The following CACNA1C variants were observed in gnomAD, a reference collection of about 807,000 sequenced individuals.
The protein encoded by CACNA1C is voltage-dependent L-type calcium channel subunit alpha-1C.
A neutral mutation model predicts 229.0 loss-of-function variants in CACNA1C; 30 were observed. That is an observed-to-expected ratio of 0.13 (90% CI 0.10 to 0.18). CACNA1C has a LOEUF of 0.18. CACNA1C is among the 10% of genes least tolerant of loss of function. CACNA1C has a pLI of 1.00. For missense variants in CACNA1C, 1,658 were observed against 2,845.0 expected (o/e 0.58, Z 9.49); for synonymous variants, 1,114 against 1,132.5 (o/e 0.98, Z 0.33).
Position 2,434,777 on chromosome 12 carries a change from G to A in CACNA1C, c.478-14199G>A, listed in dbSNP as rs536649110. 2.0e-5 allele frequency among the ~76,000 whole-genome samples: 3 copies of A among 152,284 alleles called. No individual in the cohort carries two copies. The East Asian group carries it at 5.8e-4, about 29-fold the overall frequency. ...AGGCCACGTTTGATAGTCCCCGTCA[G>A]GCCGTAACATTTTCTCACTCTGTCT... On this transcript the variant is annotated intron_variant, in intron 3 of 46. Coordinates refer to ENST00000399655, the MANE Select transcript of CACNA1C (RefSeq NM_000719.7).
chr12:2,107,791 C>T (rs922364570), intron 1 of CACNA1C, among the ~76,000 whole-genome samples: 1 of 152,162 alleles, frequency 6.6e-6, no homozygotes, highest in Non-Finnish European at 1.5e-5. Flanking sequence ...AATTCATTCG[C>T]TATTGCCTTT....
At chr12:2,407,042 C>G (rs1045183992) in intron 3 of CACNA1C, among the ~76,000 whole-genome samples, 1 of 152,252 alleles carries the variant, frequency 6.6e-6, no homozygotes, top group African/African-American at 2.4e-5. Flanking sequence ...GCTGGCGTGG[C>G]TCAGGCTCAC....
At chr12:2,593,656 T>A (rs1039569043) in intron 19 of CACNA1C, among the ~76,000 whole-genome samples, 5 of 152,230 alleles carry the variant, frequency 3.3e-5, no homozygotes, top group Non-Finnish European at 5.9e-5. Flanking sequence ...TCCTCCTGTA[T>A]AATAGAGTGA....
At chr12:2,092,752 T>C (rs2071815928) in intron 1 of CACNA1C, among the ~76,000 whole-genome samples, 1 of 152,226 alleles carries the variant, frequency 6.6e-6, no homozygotes. Flanking sequence ...TATTATATTA[T>C]CCCTGTTTTA....
intron 9 of CACNA1C, among the ~76,000 whole-genome samples, chr12:2,517,334 A>T (rs918843795): frequency 1.3e-5 from 2 of 152,176 alleles, no homozygotes; most frequent in Non-Finnish European, 2.9e-5. Flanking sequence ...AGAGGAGGAG[A>T]CTCACACAGA....
chr12:2,572,485 C>CTCCTCCTTCTCCTCT (rs2055897329), intron 13 of CACNA1C, among the ~76,000 whole-genome samples: 4 of 11,660 alleles, frequency 3.4e-4, no homozygotes, highest in Admixed American at 1.1e-3. Flanking sequence ...TCTCCTCTTC[C>CTCCTCCTTCTCCTCT]TCCTCCTCCT....
chr12:2,430,578 G>T (rs1040459447), intron 3 of CACNA1C, among the ~76,000 whole-genome samples: 1 of 151,652 alleles, frequency 6.6e-6, no homozygotes. Context: ...GAGGTGGTGG[G>T]GGGGTCCGAG....
At chr12:2,004,342 G>A (rs1230822807) in intron 1 of CACNA1C, 4 of 1,613,284 alleles carry the variant, frequency 2.5e-6, no homozygotes, top group East Asian at 4.5e-5. Context: ...CGTCCACGAT[G>A]CGGTTGATAT....
intron 21 of CACNA1C, among the ~76,000 whole-genome samples, chr12:2,598,929 G>GA (rs2070300290): frequency 6.6e-6 from 1 of 152,176 alleles, no homozygotes; most frequent in Non-Finnish European, 1.5e-5. Context: ...TCGGGAGAGG[G>GA]AACCGAAAGT....
intron 1 of CACNA1C, among the ~76,000 whole-genome samples, chr12:2,016,697 T>G (rs1442604465): frequency 6.6e-6 from 1 of 152,196 alleles, no homozygotes; most frequent in Non-Finnish European, 1.5e-5. Flanking sequence ...CCCAAAGTGC[T>G]GAGATTACAG....
intron 3 of CACNA1C, among the ~76,000 whole-genome samples, chr12:2,150,887 C>G (rs112549540): frequency 7.9e-5 from 12 of 152,272 alleles, no homozygotes; most frequent in African/African-American, 2.4e-4. Context: ...GGAAATGCCT[C>G]TTGGGAAGGT....
intron 3 of CACNA1C, among the ~76,000 whole-genome samples, chr12:2,425,167 T>A (rs889357660): frequency 6.6e-6 from 1 of 152,238 alleles, no homozygotes; most frequent in Non-Finnish European, 1.5e-5. Flanking sequence ...GGTAAATAAA[T>A]TATAGTACAG....
At chr12:2,571,472 T>C (rs1383740826) in intron 13 of CACNA1C, among the ~76,000 whole-genome samples, 2 of 152,230 alleles carry the variant, frequency 1.3e-5, no homozygotes, top group Non-Finnish European at 2.9e-5. Context: ...TTTATGTATA[T>C]ATTTCTATAG....
At chr12:2,115,592 T>G (rs1405893351) in intron 2 of CACNA1C, 47 bp downstream of exon 2, 2 of 1,581,000 alleles carry the variant, frequency 1.3e-6, no homozygotes, top group African/African-American at 2.7e-5. Context: ...ACCTGCACGC[T>G]GGGTCCAGCC....
chr12:2,191,913 C>G (rs1313533806), intron 3 of CACNA1C, among the ~76,000 whole-genome samples: 1 of 132,264 alleles, frequency 7.6e-6, no homozygotes, highest in Non-Finnish European at 1.7e-5. Flanking sequence ...CACACATGGT[C>G]TCACACAGGC....
intron 1 of CACNA1C, among the ~76,000 whole-genome samples, chr12:1,989,402 A>G (rs1412850519): frequency 6.6e-6 from 1 of 152,002 alleles, no homozygotes; most frequent in Non-Finnish European, 1.5e-5. Flanking sequence ...GAAAGAGGAA[A>G]GAAAAGGGAA....
At chr12:2,657,939 G>T (rs1319188658) in intron 34 of CACNA1C, among the ~76,000 whole-genome samples, 2 of 152,026 alleles carry the variant, frequency 1.3e-5, no homozygotes, top group African/African-American at 4.8e-5. Context: ...AAAACTACAT[G>T]AGCCTAACAA....
At chr12:2,377,393 C>G (rs1354141402) in intron 3 of CACNA1C, among the ~76,000 whole-genome samples, 1 of 152,156 alleles carries the variant, frequency 6.6e-6, no homozygotes, top group African/African-American at 2.4e-5. Flanking sequence ...ACCACATGCA[C>G]CCAGCTGCAA....
chr12:2,192,001 C>G (rs1447269784), intron 3 of CACNA1C, among the ~76,000 whole-genome samples: 1 of 151,154 alleles, frequency 6.6e-6, no homozygotes, highest in Non-Finnish European at 1.5e-5. Context: ...CACATGTATT[C>G]ACACACATAC....
Sources: allele counts gnomAD v4.1 joint callset (sites outside exome capture counted in the v4.1 genomes callset), GRCh38; gene constraint gnomAD v4.1.1; transcripts MANE v1.5; gene names NCBI Gene and HGNC (gene_info 2026-07-23, HGNC 2026-07-21).